NOP58: variants seen among roughly 807,000 people sequenced by gnomAD.
The protein encoded by NOP58 is NOP58 ribonucleoprotein.
A neutral mutation model predicts 71.2 loss-of-function variants in NOP58; 44 were observed. The observed-to-expected ratio is 0.62, with a 90% CI of 0.49 to 0.79. The LOEUF is 0.79. Ranked by LOEUF, NOP58 falls within the 30% of genes least tolerant of loss-of-function variation. The pLI is 0.00. For missense variants in NOP58, 538 were observed against 620.2 expected, an observed-to-expected ratio of 0.87 and a Z score of 1.41; for synonymous variants, 228 against 200.3, an observed-to-expected ratio of 1.14 and a Z score of -1.17.
intron 3 of NOP58, among the ~76,000 whole-genome samples, 185 bp from the exon 4 acceptor site, chr2:202,282,166 G>A (rs893387676): frequency 6.6e-6 from 1 of 152,184 alleles, no homozygotes; most frequent in African/African-American, 2.4e-5. Context: ...AAAAATGAGG[G>A]TGGGAAGATC....
intron 8 of NOP58, among the ~76,000 whole-genome samples, chr2:202,292,222 G>C (rs910291092): frequency 6.6e-5 from 10 of 151,126 alleles, no homozygotes; most frequent in African/African-American, 2.2e-4. Context: ...TTGAACTCCT[G>C]ACCTCATGAT....
chr2:202,295,548 AATTCT>A (rs1325015414), intron 9 of NOP58, 121 bp from the exon 10 acceptor site: 3 of 662,682 alleles, frequency 4.5e-6, no homozygotes, highest in Non-Finnish European at 7.1e-6. Context: ...TGGATTATAG[AATTCT>A]ATATTATATG....
intron 2 of NOP58, among the ~76,000 whole-genome samples, chr2:202,276,169 T>C (rs950210584): frequency 2.0e-5 from 3 of 151,874 alleles, no homozygotes; most frequent in African/African-American, 7.3e-5. Context: ...TGAAACCCCC[T>C]CTCTCCTAAA....
At chr2:202,272,721 A>G (rs971815029) in intron 1 of NOP58, among the ~76,000 whole-genome samples, 6 of 152,236 alleles carry the variant, frequency 3.9e-5, no homozygotes, top group Non-Finnish European at 7.3e-5. Context: ...GAAGTTCACT[A>G]TTTTTAAGAG....
At chr2:202,268,046 TGGAAC>T (rs1197156441) in intron 1 of NOP58, among the ~76,000 whole-genome samples, 1 of 152,208 alleles carries the variant, frequency 6.6e-6, no homozygotes, top group African/African-American at 2.4e-5. Context: ...ACAAACGTTC[TGGAAC>T]TAGTGATGGC....
chr2:202,288,234 C>T (rs1318081191), intron 6 of NOP58, among the ~76,000 whole-genome samples: 1 of 152,056 alleles, frequency 6.6e-6, no homozygotes, highest in Non-Finnish European at 1.5e-5. Flanking sequence ...CCTGTAATCC[C>T]AGCACTTTGA....
chr2:202,293,255 T>C (rs766417109), intron 9 of NOP58: 42 of 385,904 alleles, frequency 1.1e-4, no homozygotes, highest in Non-Finnish European at 1.9e-4. Context: ...AATACAGTTT[T>C]AAGAAATCAC....
In NOP58 at chr2:202,290,340, G is replaced by T. The variant is rs1688866053; in HGVS notation, c.517G>T (p.Asp173Tyr). ...VQAISLLDDL[D>Y]KELNNYIMRC... ...TACTACAGCCTTGTTAGATGACTTG[G>T]ATAAAGAACTAAACAACTACATTAT... The change falls in exon 7 of 15, where the codon GAT becomes TAT. Residue 173 changes from aspartate (D) to tyrosine (Y), a missense_variant. Coordinates refer to ENST00000264279, the MANE Select transcript of NOP58 (RefSeq NM_015934.5). 1.2e-6 allele frequency: 2 copies of T among 1,604,612 alleles called. No individual in the cohort carries two copies. Among genetic ancestry groups the T allele is most frequent in the African/African-American group, 2.7e-5 (2 of 74,540 alleles).
intron 1 of NOP58, 117 bp from the exon 2 acceptor site, chr2:202,274,996 A>G (rs753555160): frequency 1.9e-6 from 1 of 526,630 alleles, no homozygotes; most frequent in Non-Finnish European, 3.3e-6. Context: ...TCATTATCTT[A>G]GTGAAAGAAA....
At chr2:202,292,192 C>G (rs985866920) in intron 8 of NOP58, among the ~76,000 whole-genome samples, 5 of 149,370 alleles carry the variant, frequency 3.3e-5, no homozygotes, top group African/African-American at 1.2e-4. Flanking sequence ...CGGGGTTTCA[C>G]CATGTTGGCC....
intron 1 of NOP58, among the ~76,000 whole-genome samples, chr2:202,266,826 G>A (rs756930789): frequency 6.0e-4 from 91 of 152,348 alleles, no homozygotes; most frequent in African/African-American, 1.9e-3. Flanking sequence ...TAGATTGAAT[G>A]TGGGGTTTTG....
At chr2:202,288,751 G>A (rs899486372) in intron 6 of NOP58, among the ~76,000 whole-genome samples, 1 of 151,904 alleles carries the variant, frequency 6.6e-6, no homozygotes, top group Non-Finnish European at 1.5e-5. Context: ...AGAGGCGGAG[G>A]TTGCAGTGGG....
intron 1 of NOP58, among the ~76,000 whole-genome samples, chr2:202,267,501 A>G (rs1011380684): frequency 6.6e-6 from 1 of 152,202 alleles, no homozygotes; most frequent in Middle Eastern, 3.2e-3. Flanking sequence ...GGAACTTGTA[A>G]GTAAGCTCCT....
At chr2:202,278,401 A>G (rs1367744151) in intron 3 of NOP58, 1 of 385,126 alleles carries the variant, frequency 2.6e-6, no homozygotes, top group African/African-American at 2.1e-5. Flanking sequence ...GAGAACAGCC[A>G]GGATTCACAG....
rs770599887 is a variant in NOP58, at chr2:202,303,428, G to T, written c.1582G>T (p.Glu528Ter). Residue 528 changes from glutamate (E) to a stop codon, truncating the protein, a stop_gained, in exon 15 of 15, where the codon GAG becomes TAG. Coordinates refer to ENST00000264279, the MANE Select transcript of NOP58 (RefSeq NM_015934.5). LOFTEE classifies it high-confidence loss of function. ...GAAAAAGAAAAAAAAGAGAGAGAAC[G>T]AGGATTAACAGAAAGGAATTACGAT... ...KKKKKKKREN[E>*]D 6.2e-7 allele frequency: 1 copy of T among 1,610,434 alleles called. No individual in the cohort carries two copies. The highest frequency in any genetic ancestry group is 8.5e-7 in the Non-Finnish European group (1 of 1,178,066).
At chr2:202,294,208 A>C (rs566013195) in intron 9 of NOP58, among the ~76,000 whole-genome samples, 1 of 151,650 alleles carries the variant, frequency 6.6e-6, no homozygotes, top group Admixed American at 6.6e-5. Flanking sequence ...AATCCCAGCT[A>C]CTCGGGATGC....
At chr2:202,287,191 T>C (rs1332040013) in intron 5 of NOP58, among the ~76,000 whole-genome samples, 2 of 149,786 alleles carry the variant, frequency 1.3e-5, no homozygotes, top group Admixed American at 6.8e-5. Flanking sequence ...TGCCTCAGCC[T>C]CCAGAGTAGC....
rs1299596287 is a variant in NOP58, at chr2:202,282,313, T to G, written c.176-38T>G. The G allele has an allele frequency of 3.2e-6, 5 of 1,571,148 alleles. No individual in the cohort carries two copies. In the East Asian group the frequency reaches 6.7e-5, roughly 21 times the overall value. On this transcript the variant is annotated intron_variant, in intron 3 of 14. Transcript: ENST00000264279. ...GGGCAAGGTCTCAAAGTTAAAAATTTGAGAGTTAATGCTTTTGTTTTTCTT... is the reference window on the plus strand; with the variant it reads ...GGGCAAGGTCTCAAAGTTAAAAATTGGAGAGTTAATGCTTTTGTTTTTCTT...
chr2:202,284,527 G>A (rs1352696065), intron 5 of NOP58, 46 bp downstream of exon 5: 2 of 1,597,120 alleles, frequency 1.3e-6, no homozygotes, highest in East Asian at 2.2e-5. Context: ...TATTTGATAA[G>A]CGCTTAACAT....
Sources: gnomAD v4.1 joint callset for allele counts (sites outside exome capture counted in the v4.1 genomes callset) on GRCh38, gnomAD v4.1.1 for gene constraint, MANE v1.5 for transcripts, NCBI Gene and HGNC (gene_info 2026-07-23, HGNC 2026-07-21) for gene names.